Variants in PBX4 observed in about 807,000 individuals in gnomAD.
The protein encoded by PBX4 is pre-B-cell leukemia transcription factor 4.
PBX4 carries 26 observed loss-of-function variants against 35.1 expected under a neutral mutation model. The observed-to-expected ratio is 0.74, with a 90% confidence interval of 0.54 to 1.03. The LOEUF (loss-of-function observed/expected upper bound fraction) is 1.03. PBX4 is among the 50% of genes least tolerant of loss of function. The pLI is 0.00. For missense variants in PBX4, 448 were observed against 504.3 expected, an observed-to-expected ratio of 0.89 and a Z score of 1.07; for synonymous variants, 199 against 204.2, an observed-to-expected ratio of 0.97 and a Z score of 0.22.
intron 1 of PBX4, among the ~76,000 whole-genome samples, chr19:19,606,027 A>G (rs2061629123): frequency 6.6e-6 from 1 of 152,154 alleles, no homozygotes. Context: ...AGCTGCTGCA[A>G]ATCAGTGAGG....
At chr19:19,614,055 A>T (rs1018107732) in intron 1 of PBX4, among the ~76,000 whole-genome samples, 4 of 152,124 alleles carry the variant, frequency 2.6e-5, no homozygotes, top group Non-Finnish European at 5.9e-5. Flanking sequence ...GAATAAAAAC[A>T]CTGGTTCACG....
At chr19:19,566,587 C>A (rs564108338) in intron 5 of PBX4, among the ~76,000 whole-genome samples, 2 of 151,932 alleles carry the variant, frequency 1.3e-5, no homozygotes, top group African/African-American at 4.8e-5. Context: ...TGCAGCGGTG[C>A]GATCTCAGCT....
intron 2 of PBX4, among the ~76,000 whole-genome samples, chr19:19,586,714 G>A (rs180828114): frequency 3.2e-4 from 48 of 152,026 alleles, no homozygotes; most frequent in African/African-American, 1.0e-3. Context: ...GGGAGGCCAC[G>A]AAGTCAGGAG....
At chr19:19,608,291 T>C (rs1381667151) in intron 1 of PBX4, 1 of 146,624 alleles carries the variant, frequency 6.8e-6, no homozygotes, top group East Asian at 2.0e-4. Flanking sequence ...GAGGCGGAGG[T>C]TGTGGTGAGC....
intron 1 of PBX4, among the ~76,000 whole-genome samples, chr19:19,611,113 AACAT>A: frequency 6.6e-6 from 1 of 152,298 alleles, no homozygotes; most frequent in South Asian, 2.1e-4. Context: ...ATAAGGTCAG[AACAT>A]ACATAAGTAT....
At chr19:19,581,029 G>C (rs1035465806) in intron 2 of PBX4, among the ~76,000 whole-genome samples, 2 of 152,174 alleles carry the variant, frequency 1.3e-5, no homozygotes, top group African/African-American at 4.8e-5. Flanking sequence ...CACTACGCCC[G>C]ACCAGATTTT....
At chr19:19,588,234 C>T in intron 2 of PBX4, 2 of 1,360,676 alleles carry the variant, frequency 1.5e-6, no homozygotes, top group African/African-American at 1.4e-5. Context: ...CCAGGGCCTC[C>T]ACAGATCACA....
intron 2 of PBX4, among the ~76,000 whole-genome samples, chr19:19,590,982 C>T (rs768872083): frequency 2.6e-5 from 4 of 152,100 alleles, no homozygotes; most frequent in African/African-American, 4.8e-5. Context: ...TGGTTAATTG[C>T]ATTTGGTTTT....
chr19:19,573,353 ACAC>A (rs1484972039), intron 2 of PBX4, among the ~76,000 whole-genome samples: 10 of 151,530 alleles, frequency 6.6e-5, no homozygotes, highest in Non-Finnish European at 1.5e-4. Flanking sequence ...ACACACACAC[ACAC>A]ACACACACAC....
chr19:19,606,224 C>G (rs2061630561), intron 1 of PBX4: 1 of 152,236 alleles, frequency 6.6e-6, no homozygotes, highest in South Asian at 2.1e-4. Flanking sequence ...ATGTTGTTAT[C>G]TAAGACTCCA....
rs576800433 is a variant in PBX4, at chr19:19,599,388, G to C, written c.120-23C>G. The C allele has an allele frequency of 4.4e-6, 7 of 1,597,182 alleles. No individual in the cohort carries two copies. The African/African-American group carries it at 5.4e-5, about 12-fold the overall frequency. ...TTTCTGAAAGGGAGGTGACAGAGGA[G>C]GGTGTGAGAAAAGAATAGTCATCAT... On this transcript the variant is annotated intron_variant, in intron 1 of 7. Transcript: ENST00000251203.
chr19:19,584,596 G>T (rs1568386745), intron 2 of PBX4, among the ~76,000 whole-genome samples: 1 of 151,578 alleles, frequency 6.6e-6, no homozygotes. Flanking sequence ...CAGACCTCAA[G>T]GTGTGGTCTG....
At chr19:19,579,392 A>G (rs2061439735) in intron 2 of PBX4, among the ~76,000 whole-genome samples, 1 of 151,982 alleles carries the variant, frequency 6.6e-6, no homozygotes, top group South Asian at 2.1e-4. Context: ...GGGTGGCCTG[A>G]GTAGACTAAG....
At chr19:19,594,387 ACT>A (rs2061548385) in intron 2 of PBX4, among the ~76,000 whole-genome samples, 2 of 150,790 alleles carry the variant, frequency 1.3e-5, no homozygotes, top group African/African-American at 4.9e-5. Flanking sequence ...CAAGAGTGAA[ACT>A]CTGTCTAAAA....
At chr19:19,565,202 T>C (rs1227459453) in intron 5 of PBX4, 113 bp from the exon 6 acceptor site, 8 of 1,275,954 alleles carry the variant, frequency 6.3e-6, no homozygotes, top group South Asian at 5.2e-5. Context: ...AAGACAACAC[T>C]GCACCCTGGG....
At chr19:19,601,876 T>C (rs1041507039) in intron 1 of PBX4, among the ~76,000 whole-genome samples, 8 of 152,078 alleles carry the variant, frequency 5.3e-5, no homozygotes, top group African/African-American at 1.7e-4. Context: ...CGGTGGCTCA[T>C]GCCTGTAATT....
chr19:19,570,550 T>G (rs1373216961), intron 3 of PBX4, 36 bp downstream of exon 3: 2 of 1,605,662 alleles, frequency 1.2e-6, no homozygotes, highest in Non-Finnish European at 1.7e-6. Context: ...AAATGCGCAT[T>G]CACATGACAG....
Position 19,570,115 on chromosome 19 carries a change from T to C in PBX4, c.626A>G (p.Asp209Gly). The change falls in exon 4 of 8, where the codon GAT (aspartate) becomes GGT (glycine). Residue 209 changes from aspartate (D) to glycine (G), a missense_variant. Transcript: ENST00000251203. ...GGTACGTACAGGCCCTGACCTGGCA[T>C]CGAGCAGCCGCGAACGCAGGGTCAT... The part of the protein sequence containing the change: ...AVMTLRSRLL[D>G]ARRKRRNFSK... 1 of 1,601,234 alleles carries C rather than the reference T, an allele frequency of 6.2e-7. No individual in the cohort carries two copies. Among genetic ancestry groups the C allele is most frequent in the Non-Finnish European group, 8.5e-7 (1 of 1,172,688 alleles).
chr19:19,589,382 C>T (rs986775799), intron 2 of PBX4, among the ~76,000 whole-genome samples: 1 of 151,182 alleles, frequency 6.6e-6, no homozygotes, highest in Non-Finnish European at 1.5e-5. Flanking sequence ...TGCAGCGAGC[C>T]GAGATTGCAC....
Sources: gnomAD v4.1 joint callset for allele counts (sites outside exome capture counted in the v4.1 genomes callset) on GRCh38, gnomAD v4.1.1 for gene constraint, MANE v1.5 for transcripts, NCBI Gene and HGNC (gene_info 2026-07-23, HGNC 2026-07-21) for gene names.